The following USP44 variants were observed in gnomAD, a reference collection of about 807,000 sequenced individuals.
USP44 encodes ubiquitin specific peptidase 44, also known as ubiquitin carboxyl-terminal hydrolase 44.
Under a neutral mutation model 69.0 loss-of-function variants are expected in USP44, and 61 were observed. The ratio of observed to expected loss-of-function variants is 0.88; its 90% confidence interval spans 0.72 to 1.09. The LOEUF (loss-of-function observed/expected upper bound fraction) is 1.09, where lower values mean the gene tolerates loss of function less well. USP44 is among the 50% of genes least tolerant of loss of function. The probability of loss-of-function intolerance (pLI) is 0.00; values close to 1 mark genes in which losing one functional copy is unlikely to be tolerated. For synonymous variants in USP44, 297 were observed against 295.4 expected (o/e 1.01, Z -0.06); for missense variants, 753 against 849.9 (o/e 0.89, Z 1.42).
At chr12:95,521,395 T>C (rs948414802) in intron 4 of USP44, among the ~76,000 whole-genome samples, 193 bp from the exon 5 acceptor site, 5 of 152,200 alleles carry the variant, frequency 3.3e-5, no homozygotes, top group African/African-American at 1.2e-4. Context: ...TGTAGTTAGA[T>C]GATAATGTAG....
chr12:95,535,307 AC>A (rs1239033854), intron 1 of USP44: 1 of 152,224 alleles, frequency 6.6e-6, no homozygotes, highest in Non-Finnish European at 1.5e-5. Context: ...GAATCTTATT[AC>A]CCTATTTAAA....
At chr12:95,539,239 T>G (rs1393618507) in intron 1 of USP44, among the ~76,000 whole-genome samples, 1 of 151,850 alleles carries the variant, frequency 6.6e-6, no homozygotes, top group Admixed American at 6.6e-5. Context: ...TTTGTTTTTT[T>G]TTTTGAGACG....
chr12:95,525,968 T>C (rs2076821030), intron 3 of USP44, among the ~76,000 whole-genome samples: 1 of 152,252 alleles, frequency 6.6e-6, no homozygotes, highest in Admixed American at 6.5e-5. Context: ...TCCAGGTATC[T>C]GGCTGCTGCT....
At position 95,518,011 on chromosome 12, in the gene USP44, T is replaced by C. The variant is rs1048610515; in HGVS notation, c.*143A>G. On this transcript the variant is annotated 3_prime_UTR_variant, in exon 6 of 6. Coordinates refer to ENST00000258499, the MANE Select transcript of USP44 (RefSeq NM_032147.5). ...TCAGTTGATATATACATTTATACTTTGTAAAAAAAAAAATTGTTAGATATA... is the reference window on the plus strand; with the variant it reads ...TCAGTTGATATATACATTTATACTTCGTAAAAAAAAAAATTGTTAGATATA... 3.4e-6 allele frequency: 3 copies of C among 875,902 alleles called. No individual in the cohort carries two copies. The highest frequency in any genetic ancestry group is 6.0e-5 in the Admixed American group (2 of 33,308). The allele number at this position is 875,902 out of a possible 1,614,324, so 54.3% of individuals were successfully genotyped here. A position where few individuals can be genotyped will look rare whatever the true frequency, so the allele number is the denominator to read the frequency against.
intron 1 of USP44, chr12:95,546,958 G>T (rs529985662): frequency 6.6e-6 from 1 of 152,244 alleles, no homozygotes; most frequent in East Asian, 1.9e-4. Flanking sequence ...TGGATATGAC[G>T]CTTTCTTTCT....
intron 1 of USP44, among the ~76,000 whole-genome samples, chr12:95,536,726 C>T (rs951702036): frequency 6.6e-6 from 1 of 152,156 alleles, no homozygotes; most frequent in Non-Finnish European, 1.5e-5. Context: ...CACTTCTGTC[C>T]TTACTGCCAC....
chr12:95,518,644 T>C (rs1423010730), intron 5 of USP44, among the ~76,000 whole-genome samples: 1 of 152,176 alleles, frequency 6.6e-6, no homozygotes, highest in Non-Finnish European at 1.5e-5. Context: ...TGATCATCCC[T>C]AATTCCAAAA....
At chr12:95,526,438 G>A (rs1475816531) in intron 3 of USP44, among the ~76,000 whole-genome samples, 2 of 152,146 alleles carry the variant, frequency 1.3e-5, no homozygotes, top group African/African-American at 2.4e-5. Context: ...CAGGCGTGGT[G>A]GCGGGCGCCT....
chr12:95,536,920 C>T (rs1430828575), intron 1 of USP44, among the ~76,000 whole-genome samples: 2 of 152,184 alleles, frequency 1.3e-5, no homozygotes, highest in Non-Finnish European at 2.9e-5. Context: ...GTACCTGGGA[C>T]TCAGAGAATT....
chr12:95,525,166 G>C (rs1025935880), intron 3 of USP44, among the ~76,000 whole-genome samples: 1 of 152,180 alleles, frequency 6.6e-6, no homozygotes, highest in Admixed American at 6.5e-5. Context: ...CCGCCTCCTG[G>C]GTTCAAGCAA....
intron 3 of USP44, among the ~76,000 whole-genome samples, chr12:95,525,118 C>T (rs1007888796): frequency 6.6e-6 from 1 of 152,230 alleles, no homozygotes; most frequent in Non-Finnish European, 1.5e-5. Flanking sequence ...GTTGCCCAGG[C>T]TGGAGTGCAG....
chr12:95,543,228 C>G (rs1341644345), intron 1 of USP44, among the ~76,000 whole-genome samples: 1 of 151,106 alleles, frequency 6.6e-6, no homozygotes, highest in Non-Finnish European at 1.5e-5. Context: ...CGGTGAAATC[C>G]CGTCTCTACT....
rs2077660105 is a variant in USP44 at position 95,548,721 on chromosome 12, G to A, written c.-71+2551C>T. On this transcript the variant is annotated intron_variant, in intron 1 of 5. Transcript: ENST00000258499. This position sits in a 1 kb window ranked among gnomAD's most constrained non-coding sequence, Gnocchi z 4.1. ...GCCGTCGCACGTCCGCTCCCGCAGG[G>A]GTCCTCACTCCGCCAATCGCCGCGG... is the stretch of plus-strand genomic sequence containing the variant. 6.6e-6 allele frequency: 1 copy of A among 151,608 alleles called. No individual in the cohort carries two copies. The highest frequency in any genetic ancestry group is 1.5e-5 in the Non-Finnish European group (1 of 68,086). 9.4% of individuals were successfully genotyped at this position (151,608 alleles called of 1,614,324 possible).
intron 1 of USP44, among the ~76,000 whole-genome samples, chr12:95,550,966 T>C (rs892349951): frequency 6.6e-6 from 1 of 152,200 alleles, no homozygotes; most frequent in Non-Finnish European, 1.5e-5. Context: ...GTTTGTAGTT[T>C]AGCTTTTTCT....
intron 1 of USP44, among the ~76,000 whole-genome samples, chr12:95,544,746 G>T (rs1012174189): frequency 7.9e-5 from 12 of 151,992 alleles, no homozygotes; most frequent in African/African-American, 2.7e-4. Flanking sequence ...AAGAAAAAAA[G>T]AATTAATCTA....
intron 1 of USP44, among the ~76,000 whole-genome samples, chr12:95,541,322 G>A (rs2077382236): frequency 6.6e-6 from 1 of 152,184 alleles, no homozygotes; most frequent in South Asian, 2.1e-4. Context: ...AGTGGCTCAT[G>A]CTCAGAATAC....
chr12:95,535,975 G>A (rs1423321685), intron 1 of USP44, among the ~76,000 whole-genome samples: 1 of 149,464 alleles, frequency 6.7e-6, no homozygotes, highest in Non-Finnish European at 1.5e-5. Flanking sequence ...TAATTTTTAG[G>A]TATCAGGTAC....
At position 95,517,992 on chromosome 12, in the gene USP44, GAT is replaced by G; in HGVS notation, c.*160_*161del. The G allele has an allele frequency of 1.6e-6, 1 of 633,446 alleles. No homozygotes were observed. Among genetic ancestry groups the G allele is most frequent in the Non-Finnish European group, 2.5e-6 (1 of 401,194 alleles). 39.2% of individuals were successfully genotyped at this position (633,446 alleles called of 1,614,324 possible). The stretch of plus-strand genomic sequence containing the variant: ...ATGAAAAAAGTAGTTACCTTCAGTT[GAT>G]ATATACATTTATACTTTGTAAAAAA... On this transcript the variant is annotated 3_prime_UTR_variant, in exon 6 of 6. Coordinates refer to ENST00000258499, the MANE Select transcript of USP44 (RefSeq NM_032147.5).
rs79637347 is a variant in USP44, at chr12:95,525,402, C to A, written c.1625-614G>T. On this transcript the variant is annotated intron_variant, in intron 3 of 5. Coordinates refer to ENST00000258499, the MANE Select transcript of USP44 (RefSeq NM_032147.5). Reference sequence around the variant, plus strand: ...TATTTTTAAATGGAACTGGCTATACCAATTAATAGGAAAAGTTACAACATT... The same window carrying A: ...TATTTTTAAATGGAACTGGCTATACAAATTAATAGGAAAAGTTACAACATT... Among the ~76,000 whole-genome samples the A allele has an allele frequency of 1.1e-3, 164 of 152,084 alleles. 2 individuals carry two copies. The East Asian group carries it at 0.03, about 27-fold the overall frequency.
Sources: gnomAD v4.1 joint callset for allele counts (sites outside exome capture counted in the v4.1 genomes callset) on GRCh38, gnomAD v4.1.1 for gene constraint, Gnocchi (gnomAD v3.1) non-coding constraint, MANE v1.5 for transcripts, NCBI Gene and HGNC (gene_info 2026-07-23, HGNC 2026-07-21) for gene names.